Variants in TTLL11 observed in about 807,000 individuals in gnomAD.
TTLL11 encodes tubulin tyrosine ligase like 11.
A neutral mutation model predicts 51.7 loss-of-function variants in TTLL11; 42 were observed. The ratio of observed to expected loss-of-function variants is 0.81; its 90% CI spans 0.64 to 1.05. The LOEUF is 1.05. Among genes scored for constraint, TTLL11 ranks in the 50% least tolerant of loss-of-function variants. The pLI is 0.00. For missense variants in TTLL11, 799 were observed against 940.4 expected, an observed-to-expected ratio of 0.85 and a Z score of 1.97; for synonymous variants, 381 against 383.5, an observed-to-expected ratio of 0.99 and a Z score of 0.08.
intron 1 of TTLL11, among the ~76,000 whole-genome samples, chr9:122,084,459 G>C (rs1484587777): frequency 1.3e-5 from 2 of 152,150 alleles, no homozygotes; most frequent in Non-Finnish European, 2.9e-5. Context: ...AGTCCTCCTG[G>C]AATAGAGAAA....
At chr9:122,005,265 CA>C (rs1843610316) in intron 3 of TTLL11, among the ~76,000 whole-genome samples, 1 of 152,152 alleles carries the variant, frequency 6.6e-6, no homozygotes, top group Non-Finnish European at 1.5e-5. Flanking sequence ...AGGTCCTTTC[CA>C]ACCCCTAAGA....
At chr9:122,075,689 T>C (rs544981168) in intron 1 of TTLL11, among the ~76,000 whole-genome samples, 2 of 152,260 alleles carry the variant, frequency 1.3e-5, no homozygotes, top group South Asian at 2.1e-4. Flanking sequence ...TCCAGTAAGA[T>C]GGTAAGGTTT....
At chr9:122,028,083 T>A (rs61225612) in intron 3 of TTLL11, among the ~76,000 whole-genome samples, 6,705 of 152,204 alleles carry the variant, frequency 0.044, 297 homozygotes, top group Admixed American at 0.12. Flanking sequence ...TAAAGATGCA[T>A]TGTAAACCCT....
intron 1 of TTLL11, among the ~76,000 whole-genome samples, chr9:122,087,910 A>G (rs2131939127): frequency 6.6e-6 from 1 of 152,350 alleles, no homozygotes; most frequent in South Asian, 2.1e-4. Flanking sequence ...GAGTAACTCC[A>G]GTCTTGTCTA....
rs117125230 is a variant in TTLL11 at position 122,091,981 on chromosome 9, T to C, written c.462+706A>G. Among the ~76,000 whole-genome samples the C allele has an allele frequency of 1.3e-4, 20 of 152,324 alleles. No homozygotes were observed. The East Asian group carries it at 3.9e-3, about 29-fold the overall frequency. ...ATATAAAATACAGTGCCTGATTTTATACCACTGATCATGAGGACAGTGGTG... is the reference window on the plus strand; with the variant it reads ...ATATAAAATACAGTGCCTGATTTTACACCACTGATCATGAGGACAGTGGTG... On this transcript the variant is annotated intron_variant, in intron 1 of 8. Coordinates refer to ENST00000321582, the MANE Select transcript of TTLL11 (RefSeq NM_001139442.2).
intron 6 of TTLL11, among the ~76,000 whole-genome samples, chr9:121,929,989 A>C: frequency 6.6e-6 from 1 of 152,262 alleles, no homozygotes. Flanking sequence ...AGTGGCTACA[A>C]TTAAATTTTG....
Position 121,941,426 on chromosome 9 carries a change from G to A in TTLL11, c.1481+32583C>T, listed in dbSNP as rs565663578. Among the ~76,000 whole-genome samples, 3 of 152,296 alleles carry A rather than the reference G, an allele frequency of 2.0e-5. No individual in the cohort carries two copies. The East Asian group carries it at 5.8e-4, about 29-fold the overall frequency. On this transcript the variant is annotated intron_variant, in intron 6 of 8. Coordinates refer to ENST00000321582, the MANE Select transcript of TTLL11 (RefSeq NM_001139442.2). Reference sequence around the variant, plus strand: ...GGTGACAACAGTGATGACAACAGCCGACATTTGCGGAGCATTGACACGTGT... The same window carrying A: ...GGTGACAACAGTGATGACAACAGCCAACATTTGCGGAGCATTGACACGTGT...
chr9:121,938,652 G>C (rs573599905), intron 6 of TTLL11, among the ~76,000 whole-genome samples: 6 of 152,046 alleles, frequency 3.9e-5, no homozygotes, highest in Middle Eastern at 3.2e-3. Context: ...AATATGAACA[G>C]ATAATTCATA....
Position 121,816,290 on chromosome 9 carries a change from G to A in TTLL11, c.*6297C>T, listed in dbSNP as rs1210577561. The A allele has an allele frequency of 2.0e-5, 3 of 152,194 alleles. No individual in the cohort carries two copies. The highest frequency in any genetic ancestry group is 2.0e-4 in the Admixed American group (3 of 15,282). The allele number at this position is 152,194 out of a possible 1,614,324, so 9.4% of individuals were successfully genotyped here. ...AAGGGAAAATATCCCTGCGGTCTGC[G>A]AGGGGCTTGGGGGAGCAGTCAGTGT... is the stretch of plus-strand genomic sequence containing the variant. On this transcript the variant is annotated 3_prime_UTR_variant, in exon 9 of 9. Coordinates refer to ENST00000321582, the MANE Select transcript of TTLL11 (RefSeq NM_001139442.2).
intron 7 of TTLL11, among the ~76,000 whole-genome samples, chr9:121,865,724 T>C (rs144709969): frequency 1.2e-3 from 183 of 152,050 alleles, no homozygotes; most frequent in African/African-American, 4.1e-3. Context: ...AATAAAATGT[T>C]AAAAAAGAAA....
chr9:122,063,785 G>A (rs1223654778), intron 1 of TTLL11, among the ~76,000 whole-genome samples: 1 of 152,190 alleles, frequency 6.6e-6, no homozygotes, highest in East Asian at 1.9e-4. Flanking sequence ...TAAAACTGAA[G>A]TCCAGTGTCT....
intron 4 of TTLL11, among the ~76,000 whole-genome samples, chr9:121,985,902 C>A (rs1029140918): frequency 1.3e-5 from 2 of 152,188 alleles, no homozygotes; most frequent in Non-Finnish European, 2.9e-5. Context: ...ACCTTATACC[C>A]TGTCAAAGTG....
At chr9:121,894,078 G>A (rs1839359423) in intron 6 of TTLL11, among the ~76,000 whole-genome samples, 1 of 152,094 alleles carries the variant, frequency 6.6e-6, no homozygotes, top group Admixed American at 6.5e-5. Context: ...CTTCATGTTG[G>A]TACCAAGCAG....
At chr9:121,882,679 G>C (rs934022711) in intron 6 of TTLL11, among the ~76,000 whole-genome samples, 1 of 151,772 alleles carries the variant, frequency 6.6e-6, no homozygotes, top group Non-Finnish European at 1.5e-5. Flanking sequence ...CCTGTACCTC[G>C]TGCCACCTCT....
intron 7 of TTLL11, among the ~76,000 whole-genome samples, chr9:121,869,848 G>A (rs926537496): frequency 6.6e-6 from 1 of 152,166 alleles, no homozygotes; most frequent in Non-Finnish European, 1.5e-5. Context: ...AAATGCTGCT[G>A]TATTGCCCCA....
chr9:121,861,426 A>G (rs1425208452), intron 7 of TTLL11, among the ~76,000 whole-genome samples: 1 of 151,194 alleles, frequency 6.6e-6, no homozygotes, highest in Non-Finnish European at 1.5e-5. Flanking sequence ...TGGAAGCTGC[A>G]TGGCCCTGGT....
intron 6 of TTLL11, among the ~76,000 whole-genome samples, chr9:121,952,369 C>T (rs1841876448): frequency 6.7e-6 from 1 of 149,026 alleles, no homozygotes; most frequent in Non-Finnish European, 1.5e-5. Flanking sequence ...TCGCTTGAAC[C>T]TGGGAGACAG....
chr9:121,853,289 G>A lies in TTLL11; in HGVS notation c.1840+7048C>T, dbSNP rs1837718624. ...TCTGTTTCCTGGATGTTGGCCTCAT[G>A]TCGGGGGCAGATGTCCAGGCCCTTT... On this transcript the variant is annotated intron_variant, in intron 8 of 8. Coordinates refer to ENST00000321582, the MANE Select transcript of TTLL11 (RefSeq NM_001139442.2). This position sits in a 1 kb window ranked among gnomAD's most constrained non-coding sequence, Gnocchi z 5.6. Among the ~76,000 whole-genome samples the A allele has an allele frequency of 6.6e-6, 1 of 152,156 alleles. No homozygotes were observed.
At chr9:121,999,604 A>C (rs939890270) in intron 3 of TTLL11, among the ~76,000 whole-genome samples, 2 of 152,238 alleles carry the variant, frequency 1.3e-5, no homozygotes, top group African/African-American at 4.8e-5. Flanking sequence ...ACCTGACTGC[A>C]GTACAAGCTC....
Sources: allele counts gnomAD v4.1 joint callset (sites outside exome capture counted in the v4.1 genomes callset), GRCh38; gene constraint gnomAD v4.1.1; non-coding constraint Gnocchi (gnomAD v3.1); transcripts MANE v1.5; gene names NCBI Gene and HGNC (gene_info 2026-07-23, HGNC 2026-07-21).